ANKS1B: variants seen among roughly 807,000 people sequenced by gnomAD.
The protein encoded by ANKS1B is ankyrin repeat and sterile alpha motif domain-containing protein 1B.
In ANKS1B, 36 loss-of-function variants were observed where a neutral mutation model predicts 148.3. That is an observed-to-expected ratio of 0.24 (90% CI 0.19 to 0.32). The LOEUF (loss-of-function observed/expected upper bound fraction) is 0.32. ANKS1B is among the 10% of genes least tolerant of loss of function. The pLI is 1.00. For missense variants in ANKS1B, 1,157 were observed against 1,542.6 expected (o/e 0.75, Z 4.19); for synonymous variants, 542 against 560.8 (o/e 0.97, Z 0.47).
intron 4 of ANKS1B, among the ~76,000 whole-genome samples, chr12:99,803,413 T>C (rs1054132808): frequency 8.5e-5 from 13 of 152,156 alleles, no homozygotes; most frequent in South Asian, 2.1e-4. Context: ...AGATATATTT[T>C]AGAAAGATGT....
At chr12:99,543,955 A>T (rs997651934) in intron 9 of ANKS1B, among the ~76,000 whole-genome samples, 1 of 152,180 alleles carries the variant, frequency 6.6e-6, no homozygotes, top group African/African-American at 2.4e-5. Flanking sequence ...TAAATGACAT[A>T]AGAAGACAAA....
chr12:99,702,896 A>G (rs1223021484), intron 8 of ANKS1B, among the ~76,000 whole-genome samples: 1 of 152,022 alleles, frequency 6.6e-6, no homozygotes, highest in Non-Finnish European at 1.5e-5. Context: ...TAGTAGTTTC[A>G]TAGTTTCAGG....
At chr12:99,471,520 A>G (rs2096241943) in intron 10 of ANKS1B, among the ~76,000 whole-genome samples, 1 of 152,008 alleles carries the variant, frequency 6.6e-6, no homozygotes, top group Non-Finnish European at 1.5e-5. Flanking sequence ...ATCTATTTCT[A>G]ATTTGCAGAG....
chr12:98,744,295 A>G lies in ANKS1B; in HGVS notation c.*1444T>C. 3 of 935,610 alleles carry G rather than the reference A, an allele frequency of 3.2e-6. No homozygotes were observed. The highest frequency in any genetic ancestry group is 3.8e-6 in the Non-Finnish European group (3 of 784,252). The allele number at this position is 935,610 out of a possible 1,614,324, so 58.0% of individuals were successfully genotyped here. Reference sequence around the variant, plus strand: ...CGTATACATTTGTTAGTTTGAAATAAAATGTAGTTATTCTTCAAAACTCAC... The same window carrying G: ...CGTATACATTTGTTAGTTTGAAATAGAATGTAGTTATTCTTCAAAACTCAC... On this transcript the variant is annotated 3_prime_UTR_variant, in exon 27 of 27. Transcript: ENST00000683438.
intron 12 of ANKS1B, among the ~76,000 whole-genome samples, chr12:99,335,699 T>C (rs1566916513): frequency 2.0e-5 from 3 of 152,142 alleles, no homozygotes; most frequent in Non-Finnish European, 4.4e-5. Flanking sequence ...TATGGCTGAA[T>C]AGTACTCCAT....
At chr12:99,246,191 A>G (rs2073861858) in intron 13 of ANKS1B, 84 bp downstream of exon 13, 10 of 1,028,054 alleles carry the variant, frequency 9.7e-6, no homozygotes, top group Non-Finnish European at 1.3e-5. Flanking sequence ...CTTTTGAAAG[A>G]GCTAAAAAGC....
chr12:98,800,371 G>C (rs2098991776), intron 21 of ANKS1B, among the ~76,000 whole-genome samples: 1 of 151,948 alleles, frequency 6.6e-6, no homozygotes, highest in Non-Finnish European at 1.5e-5. Context: ...TTTAAGAGAG[G>C]CAGTTTCAAT....
intron 20 of ANKS1B, among the ~76,000 whole-genome samples, chr12:98,805,666 A>T (rs1383300656): frequency 6.6e-6 from 1 of 152,228 alleles, no homozygotes; most frequent in East Asian, 1.9e-4. Context: ...CAGATTCCAA[A>T]TTGCAGCTTT....
intron 17 of ANKS1B, among the ~76,000 whole-genome samples, chr12:98,989,045 TCA>T (rs2099925079): frequency 6.6e-6 from 1 of 152,218 alleles, no homozygotes; most frequent in Non-Finnish European, 1.5e-5. Flanking sequence ...AAATATTTTC[TCA>T]CACTCTGTAG....
At chr12:99,671,706 T>TAAGTCTGTTAGATCAG (rs1434783768) in intron 8 of ANKS1B, among the ~76,000 whole-genome samples, 2 of 152,084 alleles carry the variant, frequency 1.3e-5, no homozygotes, top group African/African-American at 2.4e-5. Context: ...AATTAGACAT[T>TAAGTCTGTTAGATCAG]AAGTCTGTTA....
intron 17 of ANKS1B, among the ~76,000 whole-genome samples, chr12:98,856,950 G>C (rs1435958792): frequency 6.6e-6 from 1 of 152,120 alleles, no homozygotes; most frequent in Non-Finnish European, 1.5e-5. Flanking sequence ...AAAAAAAGCA[G>C]TATTACTCCA....
At chr12:99,602,532 TCA>T (rs2097811090) in intron 9 of ANKS1B, among the ~76,000 whole-genome samples, 1 of 152,112 alleles carries the variant, frequency 6.6e-6, no homozygotes, top group South Asian at 2.1e-4. Context: ...CAAAGTATCT[TCA>T]GGTGAAGACA....
At chr12:99,975,925 T>C (rs888026285) in intron 1 of ANKS1B, among the ~76,000 whole-genome samples, 1 of 152,162 alleles carries the variant, frequency 6.6e-6, no homozygotes, top group Non-Finnish European at 1.5e-5. Flanking sequence ...CTATGCACAA[T>C]AGCAAAGACA....
intron 1 of ANKS1B, among the ~76,000 whole-genome samples, chr12:99,959,574 T>G (rs1387321154): frequency 6.6e-6 from 1 of 152,212 alleles, no homozygotes; most frequent in Non-Finnish European, 1.5e-5. Context: ...TATATTTATT[T>G]GTCTATTACT....
intron 17 of ANKS1B, among the ~76,000 whole-genome samples, chr12:99,001,433 T>C (rs561562599): frequency 6.6e-6 from 1 of 152,288 alleles, no homozygotes; most frequent in South Asian, 2.1e-4. Flanking sequence ...CAGGCCCCAG[T>C]TTCAGTTATT....
At chr12:99,218,958 T>C (rs1421908314) in intron 14 of ANKS1B, among the ~76,000 whole-genome samples, 1 of 152,244 alleles carries the variant, frequency 6.6e-6, no homozygotes, top group African/African-American at 2.4e-5. Flanking sequence ...TACATAAACA[T>C]GAAATCATAT....
At chr12:99,261,526 C>T (rs1280952738) in intron 12 of ANKS1B, among the ~76,000 whole-genome samples, 1 of 152,132 alleles carries the variant, frequency 6.6e-6, no homozygotes, top group Non-Finnish European at 1.5e-5. Flanking sequence ...TTTCTGTTTT[C>T]AACCTGACTT....
intron 9 of ANKS1B, among the ~76,000 whole-genome samples, chr12:99,568,014 C>T (rs1004765201): frequency 2.0e-5 from 3 of 152,146 alleles, no homozygotes; most frequent in African/African-American, 7.2e-5. Flanking sequence ...GACCAAAATC[C>T]AGTGGTTAAA....
intron 1 of ANKS1B, among the ~76,000 whole-genome samples, chr12:99,841,764 A>G (rs548140318): frequency 2.6e-5 from 4 of 152,000 alleles, no homozygotes; most frequent in Non-Finnish European, 5.9e-5. Context: ...TAGGCTTTCT[A>G]ATTTATTGAC....
Sources: gnomAD v4.1 joint callset for allele counts (sites outside exome capture counted in the v4.1 genomes callset) on GRCh38, gnomAD v4.1.1 for gene constraint, MANE v1.5 for transcripts, NCBI Gene and HGNC (gene_info 2026-07-23, HGNC 2026-07-21) for gene names.